MAPKAPK5: variants seen among roughly 807,000 people sequenced by gnomAD.
MAPKAPK5 encodes the protein MAP kinase-activated protein kinase 5.
Under a neutral mutation model 65.1 loss-of-function variants are expected in MAPKAPK5, and 30 were observed. That is an observed-to-expected ratio of 0.46 (90% confidence interval 0.34 to 0.63). The LOEUF is 0.63. Among genes scored for constraint, MAPKAPK5 ranks in the 20% least tolerant of loss-of-function variants. The pLI, the probability that MAPKAPK5 is intolerant of heterozygous loss-of-function variation, is 0.01. For missense variants in MAPKAPK5, 433 were observed against 581.4 expected, an observed-to-expected ratio of 0.74 and a Z score of 2.63; for synonymous variants, 179 against 204.6, an observed-to-expected ratio of 0.87 and a Z score of 1.07.
intron 13 of MAPKAPK5, among the ~76,000 whole-genome samples, chr12:111,891,531 C>T (rs2070605876): frequency 6.6e-6 from 1 of 150,500 alleles, no homozygotes; most frequent in South Asian, 2.1e-4. Flanking sequence ...CGATGGGTCA[C>T]GCATGTAATC....
chr12:111,888,663 C>CT (rs2070495359), intron 11 of MAPKAPK5, 45 bp downstream of exon 11: 1 of 1,611,250 alleles, frequency 6.2e-7, no homozygotes, highest in Non-Finnish European at 8.5e-7. Flanking sequence ...GCTGGAATGG[C>CT]TGAGTACTGG....
At position 111,901,877 on chromosome 12, in the gene MAPKAPK5, A is replaced by G. The variant is rs905776633; in HGVS notation, c.*8816A>G. ...TATTTATTTTGGTAATTAAATTTAC[A>G]TTAATTTAATATGTTAAATATTTTA... On this transcript the variant is annotated 3_prime_UTR_variant, in exon 14 of 14. Transcript: ENST00000550735. 2.6e-5 allele frequency: 4 copies of G among 154,618 alleles called. No homozygotes were observed. The highest frequency in any genetic ancestry group is 1.3e-4 in the Admixed American group (2 of 15,630). 9.6% of individuals were successfully genotyped at this position (154,618 alleles called of 1,614,324 possible).
intron 1 of MAPKAPK5, among the ~76,000 whole-genome samples, chr12:111,855,325 T>C (rs2069199263): frequency 6.6e-6 from 1 of 152,148 alleles, no homozygotes; most frequent in South Asian, 2.1e-4. Flanking sequence ...TTGAGTATAG[T>C]CTGCTCTTTT....
chr12:111,867,559 T>C lies in MAPKAPK5; in HGVS notation c.187-13T>C. On this transcript the variant is annotated splice_polypyrimidine_tract_variant and intron_variant, in intron 3 of 13. Coordinates refer to ENST00000550735, the MANE Select transcript of MAPKAPK5 (RefSeq NM_003668.4). ...CCCCTACCTATTGATACATTTCCTCTGTTCTCTTTAAGGTACGTCTGCACA... is the reference window on the plus strand; with the variant it reads ...CCCCTACCTATTGATACATTTCCTCCGTTCTCTTTAAGGTACGTCTGCACA... The C allele has an allele frequency of 1.2e-6, 2 of 1,605,226 alleles. No homozygotes were observed. The highest frequency in any genetic ancestry group is 2.7e-5 in the African/African-American group (2 of 74,862).
At chr12:111,847,955 A>C (rs1211112106) in intron 1 of MAPKAPK5, among the ~76,000 whole-genome samples, 3 of 152,186 alleles carry the variant, frequency 2.0e-5, no homozygotes, top group Admixed American at 2.0e-4. Flanking sequence ...CATTCTTTTT[A>C]TTGAGCAGTA....
At chr12:111,867,467 G>T in intron 3 of MAPKAPK5, 105 bp from the exon 4 acceptor site, 3 of 733,114 alleles carry the variant, frequency 4.1e-6, no homozygotes, top group South Asian at 3.8e-5. Flanking sequence ...CATTCTAAGT[G>T]ATAAAGTTTT....
At position 111,893,781 on chromosome 12, in the gene MAPKAPK5, T is replaced by TCTC. The variant is rs2070706976; in HGVS notation, c.*722_*724dup. 1 of 150,236 alleles carries TCTC rather than the reference T, an allele frequency of 6.7e-6. No homozygotes were observed. The highest frequency in any genetic ancestry group is 6.7e-5 in the Admixed American group (1 of 14,990). The allele number at this position is 150,236 out of a possible 1,614,324, so 9.3% of individuals were successfully genotyped here. A position where few individuals can be genotyped will look rare whatever the true frequency, so the allele number is the denominator to read the frequency against. ...TGGAGGCTGGAGTACAGTGGCACTA[T>TCTC]CTCCGCTCACTGCAACCTCCGCCTC... On this transcript the variant is annotated 3_prime_UTR_variant, in exon 14 of 14. Coordinates refer to ENST00000550735, the MANE Select transcript of MAPKAPK5 (RefSeq NM_003668.4).
chr12:111,846,921 T>C (rs530406887), intron 1 of MAPKAPK5, among the ~76,000 whole-genome samples: 1 of 152,286 alleles, frequency 6.6e-6, no homozygotes, highest in African/African-American at 2.4e-5. Flanking sequence ...AGTTACTTAG[T>C]AGTCATCTTG....
chr12:111,850,420 G>T (rs553681212), intron 1 of MAPKAPK5, among the ~76,000 whole-genome samples: 2 of 152,064 alleles, frequency 1.3e-5, no homozygotes, highest in African/African-American at 4.8e-5. Flanking sequence ...AATATTTTTC[G>T]AGAAAAAGTC....
At chr12:111,852,782 C>CT (rs901042765) in intron 1 of MAPKAPK5, among the ~76,000 whole-genome samples, 5 of 151,096 alleles carry the variant, frequency 3.3e-5, no homozygotes, top group South Asian at 2.1e-4. Flanking sequence ...TAAATTTATT[C>CT]TTTTTTTTTG....
chr12:111,844,144 C>A (rs1226726624), intron 1 of MAPKAPK5, among the ~76,000 whole-genome samples: 1 of 150,764 alleles, frequency 6.6e-6, no homozygotes, highest in Non-Finnish European at 1.5e-5. Flanking sequence ...GGTTTTAAAT[C>A]ATAAAGATTC....
chr12:111,888,696 A>G, intron 11 of MAPKAPK5, 78 bp downstream of exon 11: 3 of 1,579,956 alleles, frequency 1.9e-6, no homozygotes, highest in Non-Finnish European at 2.6e-6. Context: ...AAGAAATTTA[A>G]CTTGCTCAGC....
intron 1 of MAPKAPK5, among the ~76,000 whole-genome samples, chr12:111,859,432 C>G (rs1372449565): frequency 6.6e-6 from 1 of 151,840 alleles, no homozygotes; most frequent in Non-Finnish European, 1.5e-5. Flanking sequence ...GCACCCGCCA[C>G]CACGCCCAGC....
At chr12:111,879,695 G>C (rs1367035336) in intron 7 of MAPKAPK5, 4 of 152,350 alleles carry the variant, frequency 2.6e-5, no homozygotes, top group African/African-American at 9.7e-5. Context: ...GCCTAGTGTA[G>C]TTTTTTATAA....
rs749273964 is a variant in MAPKAPK5 at position 111,880,544 on chromosome 12, T to G, written c.660+17T>G. The G allele has an allele frequency of 5.0e-6, 8 of 1,604,746 alleles. No homozygotes were observed. On this transcript the variant is annotated intron_variant, in intron 8 of 13. Transcript: ENST00000550735. Reference sequence around the variant, plus strand: ...TACAACAAGGTACAGGAAGAGATATTTCTCTTCATTTGACAGATGCAGCCC... The same window carrying G: ...TACAACAAGGTACAGGAAGAGATATGTCTCTTCATTTGACAGATGCAGCCC...
intron 6 of MAPKAPK5, 65 bp from the exon 7 acceptor site, chr12:111,871,020 C>A: frequency 1.6e-6 from 2 of 1,241,924 alleles, no homozygotes; most frequent in Non-Finnish European, 2.3e-6. Context: ...TGTCTTACAC[C>A]TGGATTTTCC....
In MAPKAPK5 at chr12:111,902,039, A is replaced by G. The variant is rs3741998; in HGVS notation, c.*8978A>G. 29,886 of 152,446 alleles carry G rather than the reference A, an allele frequency of 0.2. 3,150 individuals are homozygous for G. Among genetic ancestry groups the G allele is most frequent in the Middle Eastern group, 0.27 (80 of 294 alleles). The allele number at this position is 152,446 out of a possible 1,614,324, so 9.4% of individuals were successfully genotyped here. ...ATGCTATCTTCTATTTGTTTGACAT[A>G]CAGAATCATATGTACCTGAATTTAT... On this transcript the variant is annotated 3_prime_UTR_variant, in exon 14 of 14. Transcript: ENST00000550735.
chr12:111,901,466 G>A lies in MAPKAPK5; in HGVS notation c.*8405G>A, dbSNP rs748287091. 2.2e-6 allele frequency: 1 copy of A among 454,524 alleles called. No individual in the cohort carries two copies. The highest frequency in any genetic ancestry group is 4.4e-6 in the Non-Finnish European group (1 of 226,328). The allele number at this position is 454,524 out of a possible 1,614,324, so 28.2% of individuals were successfully genotyped here. A position where few individuals can be genotyped will look rare whatever the true frequency, so the allele number is the denominator to read the frequency against. The stretch of plus-strand genomic sequence containing the variant: ...GACGTGAAGAACATGCTGTAGACAT[G>A]ATGATATTATCATTCATTATACTTT... On this transcript the variant is annotated 3_prime_UTR_variant, in exon 14 of 14. Coordinates refer to ENST00000550735, the MANE Select transcript of MAPKAPK5 (RefSeq NM_003668.4).
chr12:111,863,762 A>G (rs974617975), intron 1 of MAPKAPK5, among the ~76,000 whole-genome samples: 7 of 151,874 alleles, frequency 4.6e-5, no homozygotes, highest in African/African-American at 1.5e-4. Flanking sequence ...ATGCGCCACC[A>G]TGCCTGGCTA....
Sources: gnomAD v4.1 joint callset for allele counts (sites outside exome capture counted in the v4.1 genomes callset) on GRCh38, gnomAD v4.1.1 for gene constraint, MANE v1.5 for transcripts, NCBI Gene and HGNC (gene_info 2026-07-23, HGNC 2026-07-21) for gene names.